Variants in SH3GL2 observed in about 807,000 individuals in gnomAD.
SH3GL2 encodes the protein SH3 domain containing GRB2 like 2, endophilin A1.
Under a neutral mutation model 46.0 loss-of-function variants are expected in SH3GL2, and 24 were observed. The observed-to-expected ratio is 0.52, with a 90% CI of 0.38 to 0.73. The LOEUF (loss-of-function observed/expected upper bound fraction) is 0.73. Among genes scored for constraint, SH3GL2 ranks in the 30% least tolerant of loss-of-function variants. The pLI, the probability that SH3GL2 is intolerant of heterozygous loss-of-function variation, is 0.00. For missense variants in SH3GL2, 413 were observed against 424.2 expected, an observed-to-expected ratio of 0.97 and a Z score of 0.23; for synonymous variants, 196 against 147.1, an observed-to-expected ratio of 1.33 and a Z score of -2.40.
intron 1 of SH3GL2, among the ~76,000 whole-genome samples, chr9:17,625,413 C>G (rs1366610327): frequency 6.6e-6 from 1 of 152,218 alleles, no homozygotes; most frequent in Non-Finnish European, 1.5e-5. Context: ...TGCCTCCTAA[C>G]TTGCAAGTCA....
chr9:17,754,444 T>A (rs1822932738), intron 2 of SH3GL2, among the ~76,000 whole-genome samples: 1 of 151,966 alleles, frequency 6.6e-6, no homozygotes, highest in South Asian at 2.1e-4. Context: ...GAGGCTGAGG[T>A]GGGCAGATCA....
intron 1 of SH3GL2, among the ~76,000 whole-genome samples, chr9:17,627,975 G>T (rs1819322365): frequency 6.6e-6 from 1 of 152,172 alleles, no homozygotes; most frequent in African/African-American, 2.4e-5. Context: ...GTGTTGTTGA[G>T]TGTAGAGTGG....
At chr9:17,603,619 G>T (rs982239896) in intron 1 of SH3GL2, among the ~76,000 whole-genome samples, 1 of 152,138 alleles carries the variant, frequency 6.6e-6, no homozygotes, top group East Asian at 1.9e-4. Flanking sequence ...CCAGCACTTT[G>T]GGAGGTCAAA....
chr9:17,756,761 T>G (rs1305360999), intron 2 of SH3GL2, among the ~76,000 whole-genome samples: 1 of 152,082 alleles, frequency 6.6e-6, no homozygotes, highest in Non-Finnish European at 1.5e-5. Flanking sequence ...GTCTTTGCTG[T>G]TGTGAATAGT....
At chr9:17,642,493 G>A (rs997631071) in intron 1 of SH3GL2, among the ~76,000 whole-genome samples, 20 of 152,102 alleles carry the variant, frequency 1.3e-4, no homozygotes, top group African/African-American at 4.8e-4. Flanking sequence ...TAGGTCTGAC[G>A]TTTAAATATT....
chr9:17,629,314 G>A (rs1240011548), intron 1 of SH3GL2, among the ~76,000 whole-genome samples: 3 of 152,220 alleles, frequency 2.0e-5, no homozygotes, highest in African/African-American at 7.2e-5. Context: ...TAGTGTGCAA[G>A]TATTTTTCCT....
At chr9:17,705,527 A>G (rs1246461105) in intron 1 of SH3GL2, among the ~76,000 whole-genome samples, 1 of 151,988 alleles carries the variant, frequency 6.6e-6, no homozygotes, top group African/African-American at 2.4e-5. Flanking sequence ...TATCATATGT[A>G]CCATATTCAG....
chr9:17,756,753 CTT>C (rs1273559017), intron 2 of SH3GL2, among the ~76,000 whole-genome samples: 2 of 152,010 alleles, frequency 1.3e-5, no homozygotes, highest in Non-Finnish European at 2.9e-5. Context: ...GGTTCCAAGT[CTT>C]TGCTGTTGTG....
intron 1 of SH3GL2, among the ~76,000 whole-genome samples, chr9:17,724,708 G>A (rs1267108502): frequency 1.3e-5 from 2 of 152,150 alleles, no homozygotes; most frequent in East Asian, 3.9e-4. Context: ...GTTTCTTGAA[G>A]TTGTTGTTTG....
At chr9:17,687,159 G>T (rs1345744988) in intron 1 of SH3GL2, among the ~76,000 whole-genome samples, 1 of 152,052 alleles carries the variant, frequency 6.6e-6, no homozygotes, top group African/African-American at 2.4e-5. Flanking sequence ...CTCACATTAA[G>T]TGTATGCTTT....
intron 1 of SH3GL2, among the ~76,000 whole-genome samples, chr9:17,618,816 T>TGTGTGC (rs1157962529): frequency 6.6e-6 from 1 of 151,024 alleles, no homozygotes; most frequent in Non-Finnish European, 1.5e-5. Context: ...TGTGTGTGTG[T>TGTGTGC]GGTTTAAGGA....
rs139222099 is a variant in SH3GL2 at position 17,748,014 on chromosome 9, C to T, written c.114+880C>T. Among the ~76,000 whole-genome samples, 1,212 of 152,160 alleles carry T rather than the reference C, an allele frequency of 8.0e-3. 19 individuals are homozygous for T. The highest frequency in any genetic ancestry group is 0.028 in the African/African-American group (1,158 of 41,502). On this transcript the variant is annotated intron_variant, in intron 2 of 8. Coordinates refer to ENST00000380607, the MANE Select transcript of SH3GL2 (RefSeq NM_003026.5). Reference sequence around the variant, plus strand: ...TGAATGTAAAATGAGAAGACTAATACTCATTTGGGGGATTTTAGTTAAGGC... The same window carrying T: ...TGAATGTAAAATGAGAAGACTAATATTCATTTGGGGGATTTTAGTTAAGGC...
intron 3 of SH3GL2, among the ~76,000 whole-genome samples, chr9:17,781,417 C>T (rs1201940126): frequency 1.4e-5 from 2 of 145,472 alleles, no homozygotes; most frequent in Non-Finnish European, 3.0e-5. Context: ...AAAATTTTCT[C>T]CCATGTTGTA....
At chr9:17,776,241 G>T (rs758357003) in intron 3 of SH3GL2, among the ~76,000 whole-genome samples, 15 of 152,146 alleles carry the variant, frequency 9.9e-5, no homozygotes, top group Middle Eastern at 3.4e-3. Flanking sequence ...AATCTCATTT[G>T]TGATAAACCT....
At chr9:17,682,531 A>C (rs1193571975) in intron 1 of SH3GL2, among the ~76,000 whole-genome samples, 3 of 152,078 alleles carry the variant, frequency 2.0e-5, no homozygotes, top group East Asian at 3.9e-4. Flanking sequence ...CAGGGAGGGG[A>C]ACCAACATGC....
rs1350363300 is a variant in SH3GL2, at chr9:17,795,931, G to A, written c.*188G>A. 3 of 580,374 alleles carry A rather than the reference G, an allele frequency of 5.2e-6. No homozygotes were observed. The allele number at this position is 580,374 out of a possible 1,614,324, so 36.0% of individuals were successfully genotyped here. A position where few individuals can be genotyped will look rare whatever the true frequency, so the allele number is the denominator to read the frequency against. ...CATGGTGATGGATGATATCCTCTTA[G>A]CCTGGTGGGCGTGGCATGTGCTTTT... is the stretch of plus-strand genomic sequence containing the variant. On this transcript the variant is annotated 3_prime_UTR_variant, in exon 9 of 9. Transcript: ENST00000380607.
intron 1 of SH3GL2, among the ~76,000 whole-genome samples, chr9:17,682,023 C>T (rs1454899226): frequency 6.6e-6 from 1 of 152,098 alleles, no homozygotes; most frequent in Non-Finnish European, 1.5e-5. Flanking sequence ...GATACCATCT[C>T]ACGCCAGTCA....
chr9:17,623,234 T>C (rs1819198599), intron 1 of SH3GL2, among the ~76,000 whole-genome samples: 1 of 152,014 alleles, frequency 6.6e-6, no homozygotes, highest in Admixed American at 6.6e-5. Flanking sequence ...GTCTCTGGTG[T>C]CTAAGGTCCC....
chr9:17,701,285 A>G (rs558052084), intron 1 of SH3GL2, among the ~76,000 whole-genome samples: 8 of 152,298 alleles, frequency 5.3e-5, no homozygotes, highest in South Asian at 2.1e-4. Context: ...ATAAAACAAA[A>G]CAAAAATGTT....
Sources: gnomAD v4.1 joint callset for allele counts (sites outside exome capture counted in the v4.1 genomes callset) on GRCh38, gnomAD v4.1.1 for gene constraint, MANE v1.5 for transcripts, NCBI Gene and HGNC (gene_info 2026-07-23, HGNC 2026-07-21) for gene names.